Variants in AUTS2 observed in about 807,000 individuals in gnomAD.
The protein encoded by AUTS2 is autism susceptibility gene 2 protein.
AUTS2 carries 17 observed loss-of-function variants against 112.4 expected under a neutral mutation model. That is an observed-to-expected ratio of 0.15 (90% CI 0.10 to 0.23). The LOEUF (loss-of-function observed/expected upper bound fraction) is 0.23. Among genes scored for constraint, AUTS2 ranks in the 10% least tolerant of loss-of-function variants. The pLI is 1.00. For missense variants in AUTS2, 1,510 were observed against 1,701.6 expected, an observed-to-expected ratio of 0.89 and a Z score of 1.98; for synonymous variants, 751 against 702.7, an observed-to-expected ratio of 1.07 and a Z score of -1.09.
At chr7:69,902,246 A>G (rs1159007044) in intron 2 of AUTS2, among the ~76,000 whole-genome samples, 1 of 152,158 alleles carries the variant, frequency 6.6e-6, no homozygotes, top group Non-Finnish European at 1.5e-5. Flanking sequence ...TAATGACCAT[A>G]GTAGATGTTC....
chr7:70,352,613 C>A lies in AUTS2; in HGVS notation c.661-83139C>A, dbSNP rs1791817983. Among the ~76,000 whole-genome samples the A allele has an allele frequency of 1.3e-5, 2 of 152,138 alleles. 1 individual carries two copies. The highest frequency in any genetic ancestry group is 4.1e-4 in the South Asian group (2 of 4,826). On this transcript the variant is annotated intron_variant, in intron 4 of 18. Coordinates refer to ENST00000342771, the MANE Select transcript of AUTS2 (RefSeq NM_015570.4). Reference sequence around the variant, plus strand: ...AGAGATCTCATCAGTGTTCATCAAACACATGTTGAGTGCCTACTACGAGGT... The same window carrying A: ...AGAGATCTCATCAGTGTTCATCAAAAACATGTTGAGTGCCTACTACGAGGT...
intron 2 of AUTS2, among the ~76,000 whole-genome samples, chr7:69,915,075 C>T (rs1463103650): frequency 6.6e-6 from 1 of 152,080 alleles, no homozygotes; most frequent in African/African-American, 2.4e-5. Context: ...CCATTCTGAC[C>T]CACCTATTGT....
intron 4 of AUTS2, among the ~76,000 whole-genome samples, chr7:70,314,344 C>T (rs553837665): frequency 1.3e-5 from 2 of 152,318 alleles, no homozygotes; most frequent in East Asian, 3.9e-4. Context: ...GAGTAATATC[C>T]ACCTGGATGT....
intron 5 of AUTS2, among the ~76,000 whole-genome samples, chr7:70,479,336 T>C (rs1262054825): frequency 6.6e-6 from 1 of 152,206 alleles, no homozygotes; most frequent in Non-Finnish European, 1.5e-5. Flanking sequence ...TTTATGGAGC[T>C]TGATTCTGAA....
chr7:69,710,225 A>G (rs1312141560), intron 1 of AUTS2, among the ~76,000 whole-genome samples: 4 of 152,238 alleles, frequency 2.6e-5, no homozygotes, highest in South Asian at 4.1e-4. Flanking sequence ...TGTGAGAGCT[A>G]TAGTTTGTCA....
chr7:70,130,287 G>A (rs1023382434), intron 3 of AUTS2, among the ~76,000 whole-genome samples: 1 of 152,164 alleles, frequency 6.6e-6, no homozygotes, highest in Non-Finnish European at 1.5e-5. Context: ...GCCTCTCTGT[G>A]TGGATTTATA....
chr7:70,611,113 T>A (rs1804070340), intron 5 of AUTS2, among the ~76,000 whole-genome samples: 1 of 152,244 alleles, frequency 6.6e-6, no homozygotes, highest in African/African-American at 2.4e-5. Flanking sequence ...GTATTACATG[T>A]AAGTCTTTAA....
rs531974379 is a variant in AUTS2, at chr7:70,713,228, G to T, written c.742+14608G>T. ...ATGCCGGCCTGCCATCTGTGTGAAG[G>T]GCTATCACAGCACACAACACACACA... On this transcript the variant is annotated intron_variant, in intron 6 of 18. Coordinates refer to ENST00000342771, the MANE Select transcript of AUTS2 (RefSeq NM_015570.4). Among the ~76,000 whole-genome samples the T allele has an allele frequency of 3.9e-5, 6 of 152,286 alleles. No individual in the cohort carries two copies. The East Asian group carries it at 1.2e-3, about 29-fold the overall frequency.
intron 1 of AUTS2, among the ~76,000 whole-genome samples, chr7:69,762,793 C>T (rs1788250318): frequency 6.6e-6 from 1 of 152,142 alleles, no homozygotes; most frequent in African/African-American, 2.4e-5. Context: ...TAAGGAAATA[C>T]TCTTTTATTC....
In AUTS2 at chr7:70,681,729, G is replaced by A. The variant is rs183396556; in HGVS notation, c.691-16840G>A. Among the ~76,000 whole-genome samples the A allele has an allele frequency of 4.9e-4, 74 of 152,214 alleles. 2 individuals carry two copies. The highest frequency in any genetic ancestry group is 3.9e-4 in the East Asian group (2 of 5,170). Reference sequence around the variant, plus strand: ...ATCATGAAAGCAAATCAACAGACCTGCTGGTATTTAAATTTTAGTGTATTC... The same window carrying A: ...ATCATGAAAGCAAATCAACAGACCTACTGGTATTTAAATTTTAGTGTATTC... On this transcript the variant is annotated intron_variant, in intron 5 of 18. Coordinates refer to ENST00000342771, the MANE Select transcript of AUTS2 (RefSeq NM_015570.4).
intron 2 of AUTS2, among the ~76,000 whole-genome samples, chr7:69,946,679 GA>G (rs1226862337): frequency 3.3e-5 from 5 of 151,670 alleles, no homozygotes; most frequent in Admixed American, 6.6e-5. Flanking sequence ...CATAAATAAT[GA>G]AGTTCACTAA....
At chr7:69,674,253 G>A (rs977291605) in intron 1 of AUTS2, among the ~76,000 whole-genome samples, 3 of 152,232 alleles carry the variant, frequency 2.0e-5, no homozygotes, top group African/African-American at 7.2e-5. Flanking sequence ...TCCTGGAATA[G>A]GCAAGTGGAC....
At chr7:70,696,238 C>G (rs1809091541) in intron 5 of AUTS2, among the ~76,000 whole-genome samples, 1 of 152,154 alleles carries the variant, frequency 6.6e-6, no homozygotes, top group African/African-American at 2.4e-5. Context: ...CAAAGAATCT[C>G]TCTTCTGACT....
At position 70,092,973 on chromosome 7, in the gene AUTS2, A is replaced by T. The variant is rs1341020316; in HGVS notation, c.523-25159A>T. ...AAAATTGTAGGATGGTGTCCTTATGATGCCTGCACCTCCCCTCCTCCCCAA... is the reference window on the plus strand; with the variant it reads ...AAAATTGTAGGATGGTGTCCTTATGTTGCCTGCACCTCCCCTCCTCCCCAA... On this transcript the variant is annotated intron_variant, in intron 2 of 18. Transcript: ENST00000342771. Among the ~76,000 whole-genome samples, 16 of 152,106 alleles carry T rather than the reference A, an allele frequency of 1.1e-4. 1 individual carries two copies. The highest frequency in any genetic ancestry group is 1.0e-3 in the Admixed American group (16 of 15,270).
Position 69,785,804 on chromosome 7 carries a change from A to T in AUTS2, c.310-113482A>T, listed in dbSNP as rs145139688. On this transcript the variant is annotated intron_variant, in intron 1 of 18. Coordinates refer to ENST00000342771, the MANE Select transcript of AUTS2 (RefSeq NM_015570.4). ...ATGCTAACTACATCTATTCCACAAGACACCCTATCACAGTGATTGGTTTTT... is the reference window on the plus strand; with the variant it reads ...ATGCTAACTACATCTATTCCACAAGTCACCCTATCACAGTGATTGGTTTTT... Among the ~76,000 whole-genome samples the T allele has an allele frequency of 2.2e-3, 331 of 152,244 alleles. 1 individual carries two copies. The highest frequency in any genetic ancestry group is 7.6e-3 in the African/African-American group (317 of 41,546).
chr7:69,656,236 G>A (rs905239075), intron 1 of AUTS2, among the ~76,000 whole-genome samples: 10 of 152,170 alleles, frequency 6.6e-5, no homozygotes, highest in Non-Finnish European at 1.5e-4. Flanking sequence ...CAGCCATTAG[G>A]AATCTTGACG....
intron 4 of AUTS2, among the ~76,000 whole-genome samples, chr7:70,268,453 G>A (rs943783438): frequency 1.3e-5 from 2 of 152,092 alleles, no homozygotes; most frequent in South Asian, 2.1e-4. Context: ...TTTTTATCAC[G>A]ATAGGGACCA....
intron 1 of AUTS2, among the ~76,000 whole-genome samples, chr7:69,669,928 C>T (rs1446161231): frequency 6.6e-6 from 1 of 152,158 alleles, no homozygotes; most frequent in Non-Finnish European, 1.5e-5. Flanking sequence ...CTGGTTTCTG[C>T]TTTCACAGCC....
intron 1 of AUTS2, among the ~76,000 whole-genome samples, chr7:69,883,117 C>T (rs370230598): frequency 1.6e-4 from 25 of 152,092 alleles, no homozygotes; most frequent in African/African-American, 5.6e-4. Context: ...AGCCAGTTCT[C>T]GGACTCAGAT....
Sources: gnomAD v4.1 joint callset for allele counts (sites outside exome capture counted in the v4.1 genomes callset) on GRCh38, gnomAD v4.1.1 for gene constraint, MANE v1.5 for transcripts, NCBI Gene and HGNC (gene_info 2026-07-23, HGNC 2026-07-21) for gene names.